The following AHI1 variants were observed in gnomAD, a reference collection of about 807,000 sequenced individuals.
AHI1 encodes the protein jouberin.
A neutral mutation model predicts 149.3 loss-of-function variants in AHI1; 123 were observed. That is an observed-to-expected ratio of 0.82 (90% CI 0.71 to 0.96). AHI1 has a LOEUF of 0.96. Among genes scored for constraint, AHI1 ranks in the 40% least tolerant of loss-of-function variants. AHI1 has a pLI of 0.00. For missense variants in AHI1, 1,439 were observed against 1,422.7 expected, an observed-to-expected ratio of 1.01 and a Z score of -0.18; for synonymous variants, 475 against 459.8, an observed-to-expected ratio of 1.03 and a Z score of -0.42.
Position 135,376,842 on chromosome 6 carries a change from A to G in AHI1, c.3109+17934T>C, listed in dbSNP as rs560713925. 5.5e-4 allele frequency among the ~76,000 whole-genome samples: 76 copies of G among 137,296 alleles called. 1 individual carries two copies. Among genetic ancestry groups the G allele is most frequent in the African/African-American group, 2.0e-3 (76 of 37,206 alleles). 90.1% of individuals were successfully genotyped at this position (137,296 alleles called of 152,430 possible). Reference sequence around the variant, plus strand: ...GGTTGCAGTGAGCTGAGATCGCATCATTGCAATCCAGCCTCGGTGACAGAG... The same window carrying G: ...GGTTGCAGTGAGCTGAGATCGCATCGTTGCAATCCAGCCTCGGTGACAGAG... On this transcript the variant is annotated intron_variant, in intron 23 of 28. Coordinates refer to ENST00000265602, the MANE Select transcript of AHI1 (RefSeq NM_001134831.2).
intron 5 of AHI1, among the ~76,000 whole-genome samples, chr6:135,470,952 G>C (rs1791589883): frequency 6.6e-6 from 1 of 152,142 alleles, no homozygotes; most frequent in Non-Finnish European, 1.5e-5. Flanking sequence ...ATTTGTTTCA[G>C]AATCTTCTTT....
At chr6:135,378,537 C>T (rs1296489868) in intron 23 of AHI1, among the ~76,000 whole-genome samples, 1 of 152,138 alleles carries the variant, frequency 6.6e-6, no homozygotes, top group Non-Finnish European at 1.5e-5. Context: ...GGATGTGTTC[C>T]TAATAAAGCC....
intron 27 of AHI1, among the ~76,000 whole-genome samples, chr6:135,299,647 A>AT (rs1422291984): frequency 2.0e-5 from 3 of 151,858 alleles, no homozygotes; most frequent in Non-Finnish European, 2.9e-5. Context: ...TTGATGTAAA[A>AT]TTTTTTTTTG....
chr6:135,447,126 T>C lies in AHI1; in HGVS notation c.1661A>G (p.Gln554Arg), dbSNP rs1787368555. ...ATGCACTGGTTTACCTTTTTCCTCC[T>C]GAAGAGCCATCATAGAGCGGTAAGA... Reference protein sequence around the residue: ...KPSYRSMMALQEEKGKPVHCE... With the variant: ...KPSYRSMMALREEKGKPVHCE... The change falls in exon 13 of 29, where the codon CAG (glutamine) becomes CGG (arginine). Residue 554 changes from glutamine to arginine, a missense_variant. Transcript: ENST00000265602. 5 of 1,604,272 alleles carry C rather than the reference T, an allele frequency of 3.1e-6. No individual in the cohort carries two copies. Among genetic ancestry groups the C allele is most frequent in the Non-Finnish European group, 3.4e-6 (4 of 1,175,018 alleles).
At position 135,301,941 on chromosome 6, in the gene AHI1, T is replaced by C. The variant is rs1029782973; in HGVS notation, c.3427-1383A>G. On this transcript the variant is annotated intron_variant, in intron 26 of 28. Transcript: ENST00000265602. ...GAAATTATCCTGTTTCTTTCCAGAC[T>C]TGTGAAATAAATTCTAAACACAGCA... 5.1e-6 allele frequency: 5 copies of C among 985,390 alleles called. No homozygotes were observed. In the East Asian group the frequency reaches 5.7e-4, roughly 112 times the overall value. 61.0% of individuals were successfully genotyped at this position (985,390 alleles called of 1,614,324 possible).
intron 26 of AHI1, among the ~76,000 whole-genome samples, chr6:135,310,625 T>C (rs559826571): frequency 4.9e-4 from 74 of 152,368 alleles, no homozygotes; most frequent in South Asian, 2.9e-3. Context: ...CCTCTGCTCA[T>C]GTGAAGATTA....
chr6:135,334,573 T>G (rs1283638322), intron 24 of AHI1, among the ~76,000 whole-genome samples: 1 of 152,204 alleles, frequency 6.6e-6, no homozygotes, highest in East Asian at 1.9e-4. Flanking sequence ...CGAATCACAA[T>G]TCACATACTT....
intron 14 of AHI1, among the ~76,000 whole-genome samples, chr6:135,439,664 T>C (rs1785962308): frequency 6.6e-6 from 1 of 152,204 alleles, no homozygotes; most frequent in African/African-American, 2.4e-5. Context: ...GTGCTAGTTT[T>C]GCTGTCACAC....
intron 23 of AHI1, among the ~76,000 whole-genome samples, chr6:135,361,784 ATACG>A (rs1484606623): frequency 2.6e-5 from 4 of 151,992 alleles, no homozygotes; most frequent in Non-Finnish European, 4.4e-5. Flanking sequence ...ATATATATGT[ATACG>A]TGTATGTGTG....
intron 25 of AHI1, among the ~76,000 whole-genome samples, chr6:135,318,851 T>C (rs1786384402): frequency 6.6e-6 from 1 of 152,232 alleles, no homozygotes; most frequent in Admixed American, 6.5e-5. Flanking sequence ...ATGCAGAAGG[T>C]GTCATTTTCA....
chr6:135,371,035 A>T (rs1177907150), intron 23 of AHI1, among the ~76,000 whole-genome samples: 1 of 152,194 alleles, frequency 6.6e-6, no homozygotes, highest in East Asian at 1.9e-4. Context: ...TCAAGATTAA[A>T]CTTTTAGAAG....
At chr6:135,421,122 G>A (rs1205077142) in intron 20 of AHI1, among the ~76,000 whole-genome samples, 6 of 152,072 alleles carry the variant, frequency 3.9e-5, no homozygotes, top group Admixed American at 1.3e-4. Flanking sequence ...AATTAAGTTC[G>A]CCATCTTATA....
Position 135,486,218 on chromosome 6 carries a change from C to A in AHI1, c.135+4405G>T, listed in dbSNP as rs377750168. Among the ~76,000 whole-genome samples, 5 of 152,206 alleles carry A rather than the reference C, an allele frequency of 3.3e-5. No homozygotes were observed. The East Asian group carries it at 5.8e-4, about 18-fold the overall frequency. Reference sequence around the variant, plus strand: ...GCAGGTCCTGATTTTAAAGGAAGAACCTGTAGGCTAGGTGTCTCCCTTTCC... The same window carrying A: ...GCAGGTCCTGATTTTAAAGGAAGAAACTGTAGGCTAGGTGTCTCCCTTTCC... On this transcript the variant is annotated intron_variant, in intron 5 of 28. Coordinates refer to ENST00000265602, the MANE Select transcript of AHI1 (RefSeq NM_001134831.2).
intron 16 of AHI1, among the ~76,000 whole-genome samples, 184 bp from the exon 17 acceptor site, chr6:135,431,498 TA>T (rs1784655774): frequency 6.6e-6 from 1 of 152,132 alleles, no homozygotes; most frequent in Non-Finnish European, 1.5e-5. Flanking sequence ...CAATTATCTT[TA>T]AATGAATTCT....
intron 28 of AHI1, 56 bp downstream of exon 28, chr6:135,290,366 TC>T: frequency 9.7e-7 from 1 of 1,033,388 alleles, no homozygotes; most frequent in Non-Finnish European, 1.5e-6. Context: ...GACCATGCTT[TC>T]CTAAATCTTT....
At chr6:135,286,594 C>T (rs1781715443) in intron 28 of AHI1, 1 of 152,124 alleles carries the variant, frequency 6.6e-6, no homozygotes, top group Non-Finnish European at 1.5e-5. Flanking sequence ...AAGGGCTTTC[C>T]CTGGGGGCAC....
Position 135,463,120 on chromosome 6 carries a change from CA to C in AHI1, c.931+4del. 1.3e-6 allele frequency: 2 copies of C among 1,566,520 alleles called. No homozygotes were observed. The highest frequency in any genetic ancestry group is 4.5e-5 in the East Asian group (2 of 44,298). Reference sequence around the variant, plus strand: ...ACAATTTTTCATTTAATTTGTATAGCAAACCTGCTTTAGTCTTCTTTTTTGT... The same window carrying C: ...ACAATTTTTCATTTAATTTGTATAGCAACCTGCTTTAGTCTTCTTTTTTGT... On this transcript the variant is annotated splice_donor_region_variant and intron_variant, in intron 8 of 28. Coordinates refer to ENST00000265602, the MANE Select transcript of AHI1 (RefSeq NM_001134831.2).
At chr6:135,414,182 G>T (rs1782010811) in intron 20 of AHI1, among the ~76,000 whole-genome samples, 1 of 152,112 alleles carries the variant, frequency 6.6e-6, no homozygotes, top group Non-Finnish European at 1.5e-5. Flanking sequence ...AAAGTATAAA[G>T]GCCATTCAGT....
In AHI1 at chr6:135,466,167, C is replaced by A; in HGVS notation, c.396G>T (p.Thr132=). 6.2e-7 allele frequency: 1 copy of A among 1,613,840 alleles called. No individual in the cohort carries two copies. Among genetic ancestry groups the A allele is most frequent in the Non-Finnish European group, 8.5e-7 (1 of 1,179,858 alleles). The part of the protein sequence containing the change: ...QGKPNKKVIK[T]VPQLTTQDLK... ...GGTCTTGTGTAGTCAACTGGGGCAC[C>A]GTCTTTATCACCTTTTTATTTGGCT... is the stretch of plus-strand genomic sequence containing the variant. The change falls in exon 7 of 29, where the codon ACG becomes ACT. Residue 132 remains threonine (T), a synonymous_variant. Coordinates refer to ENST00000265602, the MANE Select transcript of AHI1 (RefSeq NM_001134831.2).
Sources: allele counts gnomAD v4.1 joint callset (sites outside exome capture counted in the v4.1 genomes callset), GRCh38; gene constraint gnomAD v4.1.1; transcripts MANE v1.5; gene names NCBI Gene and HGNC (gene_info 2026-07-23, HGNC 2026-07-21).